The following WWC1 variants were observed in gnomAD, a reference collection of about 807,000 sequenced individuals.
WWC1 encodes the protein WW and C2 domain containing 1.
WWC1 carries 55 observed loss-of-function variants against 138.4 expected under a neutral mutation model. That is an observed-to-expected ratio of 0.40 (90% CI 0.32 to 0.50). The LOEUF is 0.50. WWC1 is among the 20% of genes least tolerant of loss of function. The probability of loss-of-function intolerance (pLI) is 0.72; values close to 1 mark genes in which losing one functional copy is unlikely to be tolerated. For missense variants in WWC1, 1,226 were observed against 1,420.4 expected, an observed-to-expected ratio of 0.86 and a Z score of 2.20; for synonymous variants, 524 against 564.9, an observed-to-expected ratio of 0.93 and a Z score of 1.03.
rs539854274 is a variant in WWC1 at position 168,350,891 on chromosome 5, A to T, written c.120-20533A>T. 2.0e-5 allele frequency among the ~76,000 whole-genome samples: 3 copies of T among 152,292 alleles called. No individual in the cohort carries two copies. The South Asian group carries it at 6.2e-4, about 32-fold the overall frequency. On this transcript the variant is annotated intron_variant, in intron 1 of 22. Transcript: ENST00000265293. ...CTGGGCGCGGTGGCTCACGCCTGTA[A>T]TCCCAGCACTTTGGGAGGCCGAGGC... is the stretch of plus-strand genomic sequence containing the variant.
intron 19 of WWC1, among the ~76,000 whole-genome samples, chr5:168,458,617 T>C (rs2085448): frequency 0.83 from 126,076 of 152,134 alleles, 52,603 homozygotes; most frequent in African/African-American, 0.94. Flanking sequence ...GTGGGTTGAT[T>C]GACTTTGACC....
chr5:168,353,105 T>G (rs1775114680), intron 1 of WWC1, among the ~76,000 whole-genome samples: 1 of 152,088 alleles, frequency 6.6e-6, no homozygotes. Context: ...AAAGCCCACG[T>G]TCCTTCTACC....
At chr5:168,391,802 G>GA (rs1251886512) in intron 3 of WWC1, among the ~76,000 whole-genome samples, 5 of 128,282 alleles carry the variant, frequency 3.9e-5, no homozygotes, top group African/African-American at 1.5e-4. Context: ...TATGATTAGG[G>GA]AAAATTGGAG....
Position 168,464,981 on chromosome 5 carries a change from G to T in WWC1, c.3150+19G>T, listed in dbSNP as rs1170177331. 6.2e-7 allele frequency: 1 copy of T among 1,612,236 alleles called. No individual in the cohort carries two copies. Among genetic ancestry groups the T allele is most frequent in the Non-Finnish European group, 8.5e-7 (1 of 1,179,486 alleles). On this transcript the variant is annotated intron_variant, in intron 21 of 22. Transcript: ENST00000265293. Reference sequence around the variant, plus strand: ...GAAGCGGGTGAGTTCTGCCTCGAAGGCAGGGGAGCCCTGCGCTCTGCCCCA... The same window carrying T: ...GAAGCGGGTGAGTTCTGCCTCGAAGTCAGGGGAGCCCTGCGCTCTGCCCCA...
At chr5:168,331,211 G>A (rs1480417750) in intron 1 of WWC1, among the ~76,000 whole-genome samples, 2 of 152,158 alleles carry the variant, frequency 1.3e-5, no homozygotes, top group Non-Finnish European at 2.9e-5. Context: ...GTGCTCATAG[G>A]GAAAGGAGTC....
chr5:168,304,859 A>C, intron 1 of WWC1, among the ~76,000 whole-genome samples: 1 of 144,802 alleles, frequency 6.9e-6, no homozygotes. Flanking sequence ...GTGGAGTCTC[A>C]CTCTCACCCA....
At chr5:168,410,038 T>A (rs1400144727) in intron 8 of WWC1, 43 bp downstream of exon 8, 1 of 1,583,236 alleles carries the variant, frequency 6.3e-7, no homozygotes, top group African/African-American at 1.3e-5. Flanking sequence ...CCAAAAATAA[T>A]AACTACTATT....
chr5:168,420,070 C>T (rs1458027188), intron 9 of WWC1, among the ~76,000 whole-genome samples: 4 of 152,230 alleles, frequency 2.6e-5, no homozygotes, highest in Non-Finnish European at 5.9e-5. Context: ...GTCCATCCAA[C>T]CTCAGAATGT....
At chr5:168,430,062 CTT>C (rs923011904) in intron 13 of WWC1, 73 bp from the exon 14 acceptor site, 2 of 1,256,490 alleles carry the variant, frequency 1.6e-6, no homozygotes, top group African/African-American at 1.5e-5. Flanking sequence ...CGTCCTGTGA[CTT>C]TTAATGGAGA....
chr5:168,307,868 C>T (rs796787813), intron 1 of WWC1, among the ~76,000 whole-genome samples: 3 of 152,230 alleles, frequency 2.0e-5, no homozygotes, highest in African/African-American at 7.2e-5. Flanking sequence ...CCTTGGCCTC[C>T]CAAAGTGCTG....
chr5:168,292,736 C>A lies in WWC1; in HGVS notation c.119+465C>A, dbSNP rs1769176176. 1.3e-5 allele frequency among the ~76,000 whole-genome samples: 2 copies of A among 152,058 alleles called. No homozygotes were observed. Among genetic ancestry groups the A allele is most frequent in the Admixed American group, 6.5e-5 (1 of 15,274 alleles). ...AGGGGGTGGTCAAGACCCCAGGATT[C>A]CGTGGGAGACCACTGGAGAGAGGGC... On this transcript the variant is annotated intron_variant, in intron 1 of 22. Transcript: ENST00000265293. This position sits in a 1 kb window ranked among gnomAD's most constrained non-coding sequence, Gnocchi z 4.4.
intron 1 of WWC1, among the ~76,000 whole-genome samples, chr5:168,335,126 AAAGTCACTTCT>A (rs776956447): frequency 9.8e-5 from 15 of 152,308 alleles, no homozygotes; most frequent in South Asian, 4.1e-4. Flanking sequence ...AAGTCCCTCA[AAAGTCACTTCT>A]AAGTCACTTC....
At chr5:168,340,942 C>G (rs1427117093) in intron 1 of WWC1, among the ~76,000 whole-genome samples, 3 of 152,120 alleles carry the variant, frequency 2.0e-5, no homozygotes, top group African/African-American at 4.8e-5. Context: ...AAATAAGTAA[C>G]AGAGTCATAA....
intron 17 of WWC1, among the ~76,000 whole-genome samples, 177 bp from the exon 18 acceptor site, chr5:168,453,791 C>T (rs1013650267): frequency 3.3e-5 from 5 of 152,174 alleles, no homozygotes; most frequent in African/African-American, 1.2e-4. Flanking sequence ...GGCAGTCTGC[C>T]TGCCTCGGCC....
chr5:168,463,756 C>A (rs1022898531), intron 20 of WWC1, among the ~76,000 whole-genome samples: 6 of 152,046 alleles, frequency 3.9e-5, no homozygotes, highest in African/African-American at 1.2e-4. Context: ...ATGAAAAAAT[C>A]CAGGATGTTG....
At chr5:168,411,943 A>C (rs997269665) in intron 8 of WWC1, 1 of 977,000 alleles carries the variant, frequency 1.0e-6, no homozygotes, top group Non-Finnish European at 1.2e-6. Context: ...TTATTAACAA[A>C]AGAAGAAGGA....
At chr5:168,346,765 A>C (rs1581989027) in intron 1 of WWC1, among the ~76,000 whole-genome samples, 1 of 152,292 alleles carries the variant, frequency 6.6e-6, no homozygotes, top group South Asian at 2.1e-4. Flanking sequence ...GTGGCTTAGA[A>C]ATGATTGACA....
intron 3 of WWC1, among the ~76,000 whole-genome samples, chr5:168,388,334 T>G (rs1037758922): frequency 1.3e-5 from 2 of 152,138 alleles, no homozygotes; most frequent in Non-Finnish European, 2.9e-5. Flanking sequence ...AATGAAATGT[T>G]TGTACCTTGA....
intron 3 of WWC1, among the ~76,000 whole-genome samples, chr5:168,388,918 C>A (rs186876594): frequency 1.5e-4 from 23 of 152,012 alleles, no homozygotes; most frequent in African/African-American, 5.3e-4. Flanking sequence ...GCCACCATTT[C>A]TAATCATGAT....
Sources: gnomAD v4.1 joint callset for allele counts (sites outside exome capture counted in the v4.1 genomes callset) on GRCh38, gnomAD v4.1.1 for gene constraint, Gnocchi (gnomAD v3.1) non-coding constraint, MANE v1.5 for transcripts, NCBI Gene and HGNC (gene_info 2026-07-23, HGNC 2026-07-21) for gene names.